SIK3: variants seen among roughly 807,000 people sequenced by gnomAD.
The protein encoded by SIK3 is SIK family kinase 3, also known as serine/threonine-protein kinase SIK3.
SIK3 carries 28 observed loss-of-function variants against 144.2 expected under a neutral mutation model. The ratio of observed to expected loss-of-function variants is 0.19; its 90% CI spans 0.14 to 0.27. The LOEUF (loss-of-function observed/expected upper bound fraction) is 0.27. SIK3 is among the 10% of genes least tolerant of loss of function. The pLI is 1.00. For synonymous variants in SIK3, 686 were observed against 676.3 expected, an observed-to-expected ratio of 1.01 and a Z score of -0.22; for missense variants, 1,319 against 1,776.0, an observed-to-expected ratio of 0.74 and a Z score of 4.62.
At chr11:117,024,874 C>G (rs1951945167) in intron 1 of SIK3, among the ~76,000 whole-genome samples, 1 of 151,832 alleles carries the variant, frequency 6.6e-6, no homozygotes, top group Admixed American at 6.6e-5. Flanking sequence ...TGCACTCTAG[C>G]CTGAGTGACA....
chr11:117,045,441 G>C (rs1445180099), intron 1 of SIK3, among the ~76,000 whole-genome samples: 5 of 152,156 alleles, frequency 3.3e-5, no homozygotes, highest in Non-Finnish European at 7.3e-5. Flanking sequence ...GCCCATAAGA[G>C]TGAACGGTAA....
At chr11:116,920,231 G>A (rs1946886264) in intron 4 of SIK3, among the ~76,000 whole-genome samples, 3 of 150,024 alleles carry the variant, frequency 2.0e-5, no homozygotes, top group Admixed American at 6.6e-5. Flanking sequence ...GTGCCCACTG[G>A]AACCTAAATG....
intron 6 of SIK3, among the ~76,000 whole-genome samples, chr11:116,878,010 C>T (rs1480470091): frequency 2.0e-5 from 3 of 152,168 alleles, no homozygotes; most frequent in Non-Finnish European, 4.4e-5. Context: ...GGTCACATGG[C>T]TATTAAGTCA....
At chr11:116,937,982 A>G (rs1181404692) in intron 3 of SIK3, among the ~76,000 whole-genome samples, 2 of 152,052 alleles carry the variant, frequency 1.3e-5, no homozygotes, top group East Asian at 3.9e-4. Flanking sequence ...AGACAAGTGG[A>G]TCACTTGAGG....
At chr11:117,072,860 T>G (rs1433085281) in intron 1 of SIK3, among the ~76,000 whole-genome samples, 1 of 152,218 alleles carries the variant, frequency 6.6e-6, no homozygotes, top group Non-Finnish European at 1.5e-5. Context: ...ATCCAAAAAG[T>G]ATACATCAGT....
intron 1 of SIK3, among the ~76,000 whole-genome samples, chr11:116,981,043 C>G (rs541923452): frequency 6.6e-6 from 1 of 152,252 alleles, no homozygotes; most frequent in South Asian, 2.1e-4. Flanking sequence ...CATCTGTAGG[C>G]TTTATAAGAC....
chr11:117,045,098 T>C (rs1303305690), intron 1 of SIK3, among the ~76,000 whole-genome samples: 1 of 152,158 alleles, frequency 6.6e-6, no homozygotes, highest in Non-Finnish European at 1.5e-5. Flanking sequence ...TTTCACTCAT[T>C]TCAACATTGC....
rs1290723718 is a variant in SIK3 at position 117,040,106 on chromosome 11, G to A, written c.273+58037C>T. On this transcript the variant is annotated intron_variant, in intron 1 of 24. Coordinates refer to ENST00000445177, the MANE Select transcript of SIK3 (RefSeq NM_001366686.3). Reference sequence around the variant, plus strand: ...AGCTTTGAAAAGGGGAAAAGAAAGTGCCTTATGAGCTTGAGCCACAGATGA... The same window carrying A: ...AGCTTTGAAAAGGGGAAAAGAAAGTACCTTATGAGCTTGAGCCACAGATGA... 2.0e-5 allele frequency among the ~76,000 whole-genome samples: 3 copies of A among 152,208 alleles called. No homozygotes were observed. In the South Asian group the frequency reaches 6.2e-4, roughly 31 times the overall value.
chr11:116,937,942 C>A (rs147683288), intron 3 of SIK3, among the ~76,000 whole-genome samples: 1 of 152,130 alleles, frequency 6.6e-6, no homozygotes, highest in South Asian at 2.1e-4. Flanking sequence ...CGGTGGCTCA[C>A]GCCTGTAATC....
At chr11:117,013,951 T>TG (rs1350690829) in intron 1 of SIK3, among the ~76,000 whole-genome samples, 12 of 95,330 alleles carry the variant, frequency 1.3e-4, no homozygotes, top group East Asian at 2.7e-4. Context: ...TGTGTGTGTG[T>TG]TTTATTTCTT....
In SIK3 at chr11:117,001,521, A is replaced by T. The variant is rs116146892; in HGVS notation, c.274-44457T>A. Among the ~76,000 whole-genome samples the T allele has an allele frequency of 2.3e-3, 340 of 151,012 alleles. 3 individuals are homozygous for T. Among genetic ancestry groups the T allele is most frequent in the African/African-American group, 7.4e-3 (307 of 41,236 alleles). On this transcript the variant is annotated intron_variant, in intron 1 of 24. Coordinates refer to ENST00000445177, the MANE Select transcript of SIK3 (RefSeq NM_001366686.3). ...ATTCCATCTCAAAAAAAAAAAATTT[A>T]AAATAAAGTAATTTGAGCTGGGCAC...
intron 6 of SIK3, among the ~76,000 whole-genome samples, chr11:116,877,524 C>T (rs1944315976): frequency 1.3e-5 from 2 of 152,174 alleles, no homozygotes; most frequent in Admixed American, 1.3e-4. Context: ...TTTCTGATGG[C>T]ACAAGGTGTG....
intron 1 of SIK3, among the ~76,000 whole-genome samples, chr11:117,086,446 C>T (rs1315602259): frequency 6.6e-6 from 1 of 152,216 alleles, no homozygotes; most frequent in Non-Finnish European, 1.5e-5. Context: ...AATCCCAGCA[C>T]TCTGGGAGGC....
chr11:116,876,324 C>T lies in SIK3; in HGVS notation c.1024G>A (p.Val342Met). 6.2e-7 allele frequency: 1 copy of T among 1,614,224 alleles called. No individual in the cohort carries two copies. The highest frequency in any genetic ancestry group is 2.2e-5 in the East Asian group (1 of 44,888). The stretch of plus-strand genomic sequence containing the variant: ...AGGACATCCTCATTCAGGGGGTCCA[C>T]CTGTCTTTCTTCCTTTAGTTGTTGG... ...ECQQLKEERQ[V>M]DPLNEDVLLA... The change falls in exon 8 of 25, where the codon GTG becomes ATG. Residue 342 changes from valine (V) to methionine (M), a missense_variant. Around this residue, in one of 8 missense-constraint regions of SIK3, gnomAD observed 109 missense variants for 109.3 expected, o/e 1.00. Coordinates refer to ENST00000445177, the MANE Select transcript of SIK3 (RefSeq NM_001366686.3).
rs149056365 is a variant in SIK3, at chr11:116,989,737, G to A, written c.274-32673C>T. Among the ~76,000 whole-genome samples, 351 of 152,206 alleles carry A rather than the reference G, an allele frequency of 2.3e-3. 3 individuals carry two copies. Among genetic ancestry groups the A allele is most frequent in the African/African-American group, 7.9e-3 (329 of 41,526 alleles). On this transcript the variant is annotated intron_variant, in intron 1 of 24. Coordinates refer to ENST00000445177, the MANE Select transcript of SIK3 (RefSeq NM_001366686.3). ...GTTCCTATGACTTCCCACTACTGTG[G>A]ACTTCCAAATTAAAAATATCAGGCA... is the stretch of plus-strand genomic sequence containing the variant.
At chr11:117,089,406 CAA>C (rs61610114) in intron 1 of SIK3, among the ~76,000 whole-genome samples, 16 of 90,410 alleles carry the variant, frequency 1.8e-4, no homozygotes, top group Admixed American at 2.2e-4. Context: ...GACTCCGTCT[CAA>C]AAAAAAAAAA....
At chr11:116,866,889 A>G (rs949018202) in intron 15 of SIK3, among the ~76,000 whole-genome samples, 12 of 152,200 alleles carry the variant, frequency 7.9e-5, no homozygotes, top group Non-Finnish European at 1.6e-4. Context: ...ACTCATAGTC[A>G]TTTATGAAAG....
intron 14 of SIK3, chr11:116,870,072 G>T (rs1399611561): frequency 2.1e-6 from 3 of 1,433,454 alleles, no homozygotes; most frequent in Non-Finnish European, 2.8e-6. Context: ...GGACAAGGAA[G>T]AAGGAGGGAG....
At chr11:116,947,239 T>TATATACA (rs1565487426) in intron 3 of SIK3, among the ~76,000 whole-genome samples, 2 of 100,108 alleles carry the variant, frequency 2.0e-5, no homozygotes, top group Non-Finnish European at 3.9e-5. Context: ...TTATATATTT[T>TATATACA]ATATATAATT....
Sources: gnomAD v4.1 joint callset for allele counts (sites outside exome capture counted in the v4.1 genomes callset) on GRCh38, gnomAD v4.1.1 for gene constraint, gnomAD v4.1.1 regional missense constraint, MANE v1.5 for transcripts, NCBI Gene and HGNC (gene_info 2026-07-23, HGNC 2026-07-21) for gene names.